The following NTN4 variants were observed in gnomAD, a reference collection of about 807,000 sequenced individuals.
NTN4 encodes the protein netrin 4, also known as netrin-4.
A neutral mutation model predicts 73.6 loss-of-function variants in NTN4; 32 were observed. The observed-to-expected ratio is 0.44, with a 90% CI of 0.33 to 0.58. NTN4 has a LOEUF of 0.58. NTN4 is among the 20% of genes least tolerant of loss of function. The pLI is 0.04. For missense variants in NTN4, 654 were observed against 798.3 expected, an observed-to-expected ratio of 0.82 and a Z score of 2.18; for synonymous variants, 258 against 287.5, an observed-to-expected ratio of 0.90 and a Z score of 1.04.
Position 95,692,125 on chromosome 12 carries a change from T to G in NTN4, c.1181-8414A>C, listed in dbSNP as rs1592667889. Among the ~76,000 whole-genome samples the G allele has an allele frequency of 2.6e-5, 4 of 152,206 alleles. No homozygotes were observed. In the Middle Eastern group the frequency reaches 0.014, roughly 518 times the overall value. On this transcript the variant is annotated intron_variant, in intron 5 of 9. Coordinates refer to ENST00000343702, the MANE Select transcript of NTN4 (RefSeq NM_021229.4). ...ATCTCTGCTCACTGCAACCTCTGCC[T>G]CCTGGGTCCAAGTGATTCTCCTGCC...
At chr12:95,766,180 GA>G (rs1207658826) in intron 2 of NTN4, among the ~76,000 whole-genome samples, 3 of 152,174 alleles carry the variant, frequency 2.0e-5, no homozygotes, top group African/African-American at 7.2e-5. Context: ...ACAGTAGCAA[GA>G]AATAAGATTT....
At chr12:95,757,734 T>TTCATTA (rs147480408) in intron 2 of NTN4, among the ~76,000 whole-genome samples, 36,928 of 144,870 alleles carry the variant, frequency 0.25, 5,397 homozygotes, top group South Asian at 0.39. Flanking sequence ...ATAGTGAAAA[T>TTCATTA]TCATTATCAT....
At chr12:95,774,332 T>A (rs1460904207) in intron 2 of NTN4, among the ~76,000 whole-genome samples, 1 of 152,218 alleles carries the variant, frequency 6.6e-6, no homozygotes, top group Non-Finnish European at 1.5e-5. Flanking sequence ...GGTTTCAGTT[T>A]CTTTGTCTGT....
intron 2 of NTN4, among the ~76,000 whole-genome samples, chr12:95,750,878 C>A (rs1181177325): frequency 2.1e-4 from 32 of 151,066 alleles, no homozygotes; most frequent in South Asian, 1.3e-3. Context: ...TTACAGTTTC[C>A]TTCCGTGACT....
chr12:95,777,438 A>T (rs2079101836), intron 2 of NTN4, among the ~76,000 whole-genome samples: 1 of 152,216 alleles, frequency 6.6e-6, no homozygotes, highest in Non-Finnish European at 1.5e-5. Flanking sequence ...AGAGACATGC[A>T]TAGGCTCATA....
intron 2 of NTN4, among the ~76,000 whole-genome samples, chr12:95,782,580 C>T (rs2079141238): frequency 6.6e-6 from 1 of 152,208 alleles, no homozygotes; most frequent in Admixed American, 6.5e-5. Flanking sequence ...GCGTGAGCCA[C>T]TGTACCCAGC....
chr12:95,765,047 T>C (rs1364939589), intron 2 of NTN4, among the ~76,000 whole-genome samples: 1 of 152,226 alleles, frequency 6.6e-6, no homozygotes, highest in Non-Finnish European at 1.5e-5. Flanking sequence ...AATTCCTTCA[T>C]GAATCTGAAA....
intron 5 of NTN4, among the ~76,000 whole-genome samples, chr12:95,710,203 G>A (rs2078553764): frequency 6.6e-6 from 1 of 152,056 alleles, no homozygotes; most frequent in Non-Finnish European, 1.5e-5. Flanking sequence ...AGTGCTATAG[G>A]AAATAATTTT....
chr12:95,752,005 G>T (rs967175770), intron 2 of NTN4, among the ~76,000 whole-genome samples: 1 of 150,536 alleles, frequency 6.6e-6, no homozygotes, highest in Admixed American at 6.6e-5. Context: ...TCTCATTGCC[G>T]CCCTTCTTCC....
chr12:95,762,238 A>T (rs1014693260), intron 2 of NTN4, among the ~76,000 whole-genome samples: 3 of 152,110 alleles, frequency 2.0e-5, no homozygotes, highest in Non-Finnish European at 2.9e-5. Context: ...GGTTTAAAAA[A>T]TTTTCAAGTT....
At chr12:95,722,561 G>A (rs1005202769) in intron 3 of NTN4, among the ~76,000 whole-genome samples, 5 of 152,274 alleles carry the variant, frequency 3.3e-5, no homozygotes, top group South Asian at 2.1e-4. Context: ...GGAGGCAGAC[G>A]TTGTAATGAG....
intron 5 of NTN4, among the ~76,000 whole-genome samples, chr12:95,704,164 C>T (rs2078507069): frequency 6.6e-6 from 1 of 152,100 alleles, no homozygotes; most frequent in Non-Finnish European, 1.5e-5. Flanking sequence ...AATCAGCAAC[C>T]AGATGATGCC....
intron 2 of NTN4, among the ~76,000 whole-genome samples, chr12:95,769,521 C>T (rs1332954631): frequency 1.4e-5 from 2 of 140,040 alleles, no homozygotes; most frequent in Non-Finnish European, 3.0e-5. Context: ...GATGCCACCG[C>T]AGCCAGTGGT....
intron 9 of NTN4, among the ~76,000 whole-genome samples, chr12:95,664,617 G>T (rs117669266): frequency 0.027 from 3,523 of 130,280 alleles, 49 homozygotes; most frequent in East Asian, 0.1. Flanking sequence ...GACCGCAAAA[G>T]ACTTTGTTTT....
chr12:95,765,881 C>T (rs11612530), intron 2 of NTN4, among the ~76,000 whole-genome samples: 5,681 of 152,132 alleles, frequency 0.037, 125 homozygotes, highest in Middle Eastern at 0.075. Context: ...AGGGTACTTT[C>T]GAGATTTGAG....
chr12:95,670,092 A>T lies in NTN4; in HGVS notation c.1565T>A (p.Met522Lys). The T allele has an allele frequency of 6.3e-7, 1 of 1,591,044 alleles. No individual in the cohort carries two copies. The highest frequency in any genetic ancestry group is 8.6e-7 in the Non-Finnish European group (1 of 1,165,916). Residue 522 changes from methionine (M) to lysine (K), a missense_variant, in exon 8 of 10, where the codon ATG (methionine) becomes AAG (lysine). Coordinates refer to ENST00000343702, the MANE Select transcript of NTN4 (RefSeq NM_021229.4). ...TLGNAKAFCG[M>K]KYSYVLKIKI... ...TTCAGACTCACCATATGAATATTTC[A>T]TTCCACAGAATGCCTTGGCATTTCC... is the stretch of plus-strand genomic sequence containing the variant.
rs1406112205 is a variant in NTN4 at position 95,789,596 on chromosome 12, C to G, written c.55+659G>C. 6.6e-6 allele frequency among the ~76,000 whole-genome samples: 1 copy of G among 152,198 alleles called. No homozygotes were observed. The highest frequency in any genetic ancestry group is 1.5e-5 in the Non-Finnish European group (1 of 68,024). On this transcript the variant is annotated intron_variant, in intron 1 of 9. Coordinates refer to ENST00000343702, the MANE Select transcript of NTN4 (RefSeq NM_021229.4). The surrounding 1 kb of genome is among the most constrained non-coding windows in gnomAD (Gnocchi z 4.0). Reference sequence around the variant, plus strand: ...ACGCCGACGCCGGTTGTCCAGTTACCGAGCCAGGGAGCAGACCCGCCTCCG... The same window carrying G: ...ACGCCGACGCCGGTTGTCCAGTTACGGAGCCAGGGAGCAGACCCGCCTCCG...
At chr12:95,786,282 G>T (rs1198031998) in intron 2 of NTN4, among the ~76,000 whole-genome samples, 5 of 152,120 alleles carry the variant, frequency 3.3e-5, no homozygotes, top group African/African-American at 9.7e-5. Context: ...AAGTTAAGAA[G>T]AGCTAAAAAG....
At chr12:95,700,595 T>TGAGTC (rs2078477144) in intron 5 of NTN4, among the ~76,000 whole-genome samples, 1 of 152,070 alleles carries the variant, frequency 6.6e-6, no homozygotes, top group African/African-American at 2.4e-5. Context: ...ACTCAGAGTC[T>TGAGTC]GAGTCTGACT....
Sources: allele counts gnomAD v4.1 joint callset (sites outside exome capture counted in the v4.1 genomes callset), GRCh38; gene constraint gnomAD v4.1.1; non-coding constraint Gnocchi (gnomAD v3.1); transcripts MANE v1.5; gene names NCBI Gene and HGNC (gene_info 2026-07-23, HGNC 2026-07-21).